Variants in MACROD2 observed in about 807,000 individuals in gnomAD.
MACROD2 encodes mono-ADP ribosylhydrolase 2.
A neutral mutation model predicts 70.4 loss-of-function variants in MACROD2; 36 were observed. The observed-to-expected ratio is 0.51, with a 90% CI of 0.39 to 0.68. The LOEUF is 0.68. MACROD2 is among the 30% of genes least tolerant of loss of function. MACROD2 has a pLI of 0.00. For synonymous variants in MACROD2, 172 were observed against 178.8 expected (o/e 0.96, Z 0.30); for missense variants, 496 against 538.4 (o/e 0.92, Z 0.78).
chr20:15,526,508 G>C (rs1407620323), intron 8 of MACROD2, among the ~76,000 whole-genome samples: 1 of 152,106 alleles, frequency 6.6e-6, no homozygotes, highest in African/African-American at 2.4e-5. Flanking sequence ...CATTGGAGGA[G>C]AGAGAAAAAG....
chr20:15,080,392 C>T (rs1225549766), intron 5 of MACROD2, among the ~76,000 whole-genome samples: 2 of 152,148 alleles, frequency 1.3e-5, no homozygotes, highest in East Asian at 3.9e-4. Context: ...TTAATATGCA[C>T]TGCCGCAGCA....
intron 6 of MACROD2, among the ~76,000 whole-genome samples, chr20:15,343,006 A>T (rs2078126993): frequency 6.6e-6 from 1 of 152,202 alleles, no homozygotes; most frequent in African/African-American, 2.4e-5. Flanking sequence ...GTAAGGCATA[A>T]ATCATTAATG....
chr20:14,600,371 T>C (rs555085329), intron 4 of MACROD2, among the ~76,000 whole-genome samples: 93 of 144,498 alleles, frequency 6.4e-4, no homozygotes, highest in African/African-American at 2.4e-3. Context: ...CACACAAATA[T>C]ATATACTATA....
chr20:15,608,316 G>T (rs916242807), intron 8 of MACROD2, among the ~76,000 whole-genome samples: 4 of 152,186 alleles, frequency 2.6e-5, no homozygotes, highest in Non-Finnish European at 4.4e-5. Context: ...TTGGCCACAG[G>T]ACATAACTTG....
At chr20:15,554,593 TAAAC>T (rs1291178030) in intron 8 of MACROD2, among the ~76,000 whole-genome samples, 2 of 152,144 alleles carry the variant, frequency 1.3e-5, no homozygotes, top group Admixed American at 6.5e-5. Context: ...TTCATTTTCT[TAAAC>T]AAAACATGGT....
rs557469030 is a variant in MACROD2, at chr20:14,968,991, C to G, written c.419-260949C>G. On this transcript the variant is annotated intron_variant, in intron 5 of 17. Transcript: ENST00000684519. ...TCTTTTCAAAAGAACTAAGTATCTC[C>G]AATATGAACTGTGAGATGACTTTTG... Among the ~76,000 whole-genome samples the G allele has an allele frequency of 2.0e-5, 3 of 152,160 alleles. No homozygotes were observed. In the East Asian group the frequency reaches 5.8e-4, roughly 29 times the overall value.
intron 3 of MACROD2, among the ~76,000 whole-genome samples, chr20:14,448,645 G>A (rs959578064): frequency 6.6e-6 from 1 of 151,384 alleles, no homozygotes; most frequent in African/African-American, 2.4e-5. Flanking sequence ...TCCAGCCTGG[G>A]CAATAGATCG....
chr20:15,598,582 A>T (rs1224131172), intron 8 of MACROD2, among the ~76,000 whole-genome samples: 3 of 152,184 alleles, frequency 2.0e-5, no homozygotes, highest in Non-Finnish European at 4.4e-5. Flanking sequence ...GATTCTAAAG[A>T]CTAGTCAGTT....
chr20:15,129,706 A>G (rs768683377), intron 5 of MACROD2, among the ~76,000 whole-genome samples: 1 of 152,048 alleles, frequency 6.6e-6, no homozygotes, highest in Non-Finnish European at 1.5e-5. Flanking sequence ...ACTGATTACT[A>G]TGGTTGCTTC....
At chr20:15,915,589 C>A (rs2065302446) in intron 10 of MACROD2, among the ~76,000 whole-genome samples, 1 of 152,190 alleles carries the variant, frequency 6.6e-6, no homozygotes, top group South Asian at 2.1e-4. Context: ...GTTTCCATTT[C>A]TTCCTTTGTA....
intron 6 of MACROD2, among the ~76,000 whole-genome samples, chr20:15,351,796 T>C (rs770154718): frequency 6.6e-6 from 1 of 152,218 alleles, no homozygotes; most frequent in Non-Finnish European, 1.5e-5. Context: ...ACCAAGGTTC[T>C]TCACTGTACC....
intron 5 of MACROD2, among the ~76,000 whole-genome samples, chr20:15,181,350 C>G (rs1220908649): frequency 1.3e-5 from 2 of 152,200 alleles, no homozygotes; most frequent in African/African-American, 4.8e-5. Context: ...TAGGTATCTT[C>G]TTCCTAATAA....
intron 6 of MACROD2, among the ~76,000 whole-genome samples, chr20:15,272,850 G>A (rs2077357574): frequency 6.6e-6 from 1 of 152,104 alleles, no homozygotes; most frequent in Non-Finnish European, 1.5e-5. Context: ...GTCTACAGTT[G>A]CCAATCAACC....
At chr20:15,827,623 T>C (rs1211765175) in intron 8 of MACROD2, among the ~76,000 whole-genome samples, 3 of 152,112 alleles carry the variant, frequency 2.0e-5, no homozygotes, top group African/African-American at 7.2e-5. Flanking sequence ...CCCTCTTTTG[T>C]TTATAGGGAT....
chr20:15,306,713 G>C (rs1217406552), intron 6 of MACROD2, among the ~76,000 whole-genome samples: 2 of 152,140 alleles, frequency 1.3e-5, no homozygotes, highest in Non-Finnish European at 2.9e-5. Context: ...GGAGCAGACT[G>C]TTCCTAAAAA....
At chr20:14,974,778 C>T (rs1350462484) in intron 5 of MACROD2, among the ~76,000 whole-genome samples, 3 of 152,054 alleles carry the variant, frequency 2.0e-5, no homozygotes, top group Admixed American at 6.6e-5. Flanking sequence ...GTCCTGTTGA[C>T]GTAGTCTGTA....
chr20:15,387,398 C>G (rs1264403232), intron 6 of MACROD2, among the ~76,000 whole-genome samples: 1 of 151,214 alleles, frequency 6.6e-6, no homozygotes, highest in Non-Finnish European at 1.5e-5. Flanking sequence ...TCTCTGCAGT[C>G]TGCACTTTTC....
At chr20:15,040,317 G>GAAAAAA (rs11087118) in intron 5 of MACROD2, among the ~76,000 whole-genome samples, 1 of 140,604 alleles carries the variant, frequency 7.1e-6, no homozygotes, top group Admixed American at 7.1e-5. Flanking sequence ...TCCGTCTCAG[G>GAAAAAA]AAAAAAAAAA....
chr20:14,367,884 G>T lies in MACROD2; in HGVS notation c.272-125595G>T, dbSNP rs148145289. Among the ~76,000 whole-genome samples, 754 of 152,020 alleles carry T rather than the reference G, an allele frequency of 5.0e-3. 2 individuals carry two copies. The highest frequency in any genetic ancestry group is 9.4e-3 in the South Asian group (45 of 4,794). ...TGTTTCTTTTTCTCTTCTCCATCTG[G>T]GGTTCTTATGACATATATGTTGGTG... On this transcript the variant is annotated intron_variant, in intron 3 of 17. Coordinates refer to ENST00000684519, the MANE Select transcript of MACROD2 (RefSeq NM_001351661.2).
Sources: gnomAD v4.1 joint callset for allele counts (sites outside exome capture counted in the v4.1 genomes callset) on GRCh38, gnomAD v4.1.1 for gene constraint, MANE v1.5 for transcripts, NCBI Gene and HGNC (gene_info 2026-07-23, HGNC 2026-07-21) for gene names.